Variants in EPHA6 observed in about 807,000 individuals in gnomAD.
EPHA6 encodes the protein EPH receptor A6.
Under a neutral mutation model 112.0 loss-of-function variants are expected in EPHA6, and 50 were observed. The observed-to-expected ratio is 0.45, with a 90% CI of 0.36 to 0.56. The LOEUF (loss-of-function observed/expected upper bound fraction) is 0.56, where lower values mean the gene tolerates loss of function less well. EPHA6 is among the 20% of genes least tolerant of loss of function. EPHA6 has a pLI of 0.00. For synonymous variants in EPHA6, 529 were observed against 490.7 expected (o/e 1.08, Z -1.03); for missense variants, 1,280 against 1,417.4 (o/e 0.90, Z 1.56).
intron 2 of EPHA6, among the ~76,000 whole-genome samples, chr3:96,955,595 A>G (rs1305309458): frequency 1.3e-5 from 2 of 152,204 alleles, no homozygotes; most frequent in African/African-American, 2.4e-5. Flanking sequence ...GGCAAAAAAT[A>G]TGTTATAAAA....
intron 3 of EPHA6, among the ~76,000 whole-genome samples, chr3:97,158,218 G>A (rs2076333956): frequency 6.6e-6 from 1 of 152,100 alleles, no homozygotes; most frequent in African/African-American, 2.4e-5. Context: ...AGGGAGTAGG[G>A]GAGGGAAGAA....
rs145014252 is a variant in EPHA6, at chr3:96,933,368, A to G, written c.451-53962A>G. On this transcript the variant is annotated intron_variant, in intron 2 of 17. Transcript: ENST00000389672. ...TTAATTATTGTATTTCCAAGTTTCT[A>G]AAATTGCAGGTTTTTGTTACTTACC... Among the ~76,000 whole-genome samples, 984 of 152,326 alleles carry G rather than the reference A, an allele frequency of 6.5e-3. 7 individuals are homozygous for G. Among genetic ancestry groups the G allele is most frequent in the African/African-American group, 0.021 (889 of 41,570 alleles).
chr3:97,688,399 A>T (rs2032409313), intron 14 of EPHA6, among the ~76,000 whole-genome samples: 1 of 152,086 alleles, frequency 6.6e-6, no homozygotes, highest in South Asian at 2.1e-4. Context: ...ACTTTTGTTA[A>T]AAGTAACATG....
At chr3:97,070,489 C>T (rs772649488) in intron 3 of EPHA6, among the ~76,000 whole-genome samples, 2 of 152,052 alleles carry the variant, frequency 1.3e-5, no homozygotes, top group Non-Finnish European at 2.9e-5. Context: ...AGTAACTCAG[C>T]CTTGACATCT....
At chr3:96,846,209 G>A (rs1193194606) in intron 1 of EPHA6, among the ~76,000 whole-genome samples, 3 of 152,018 alleles carry the variant, frequency 2.0e-5, no homozygotes, top group Admixed American at 1.3e-4. Context: ...TTGATTGTGA[G>A]TAGCCAGGAA....
intron 5 of EPHA6, among the ~76,000 whole-genome samples, chr3:97,333,063 A>G (rs1486107806): frequency 6.6e-6 from 1 of 152,090 alleles, no homozygotes; most frequent in Admixed American, 6.6e-5. Context: ...TAACATATTT[A>G]CCATGTTGAG....
At chr3:97,486,727 T>C (rs2091708509) in intron 10 of EPHA6, among the ~76,000 whole-genome samples, 1 of 152,212 alleles carries the variant, frequency 6.6e-6, no homozygotes, top group Non-Finnish European at 1.5e-5. Flanking sequence ...GTGTGTGCAC[T>C]TGAGGGGACA....
intron 3 of EPHA6, among the ~76,000 whole-genome samples, chr3:97,164,702 G>A (rs2076498744): frequency 6.6e-6 from 1 of 152,016 alleles, no homozygotes; most frequent in Admixed American, 6.6e-5. Flanking sequence ...GTGGGCAAAT[G>A]ATATTTTGGG....
intron 6 of EPHA6, among the ~76,000 whole-genome samples, chr3:97,419,636 C>T (rs1209496164): frequency 6.6e-6 from 1 of 151,916 alleles, no homozygotes; most frequent in African/African-American, 2.4e-5. Context: ...CACACACACA[C>T]ACACACAAGA....
intron 2 of EPHA6, among the ~76,000 whole-genome samples, chr3:96,944,645 T>G (rs566592764): frequency 6.6e-6 from 1 of 152,284 alleles, no homozygotes; most frequent in Admixed American, 6.5e-5. Flanking sequence ...GATCAAGAGA[T>G]ATGCAGTTTT....
chr3:97,607,395 T>G (rs891482075), intron 12 of EPHA6, among the ~76,000 whole-genome samples: 6 of 151,088 alleles, frequency 4.0e-5, no homozygotes, highest in Non-Finnish European at 7.4e-5. Flanking sequence ...AATATTCCCT[T>G]AAAGTCTTAA....
chr3:97,561,050 C>A (rs2093182763), intron 11 of EPHA6, among the ~76,000 whole-genome samples: 1 of 151,864 alleles, frequency 6.6e-6, no homozygotes. Flanking sequence ...CTTAATTGAT[C>A]AATGTTGTGT....
chr3:97,282,937 C>T (rs2080337699), intron 5 of EPHA6, among the ~76,000 whole-genome samples: 1 of 152,058 alleles, frequency 6.6e-6, no homozygotes, highest in Non-Finnish European at 1.5e-5. Context: ...CCATGACACA[C>T]ATTTACCTGT....
chr3:97,149,673 T>C (rs2108371985), intron 3 of EPHA6, among the ~76,000 whole-genome samples: 1 of 151,968 alleles, frequency 6.6e-6, no homozygotes, highest in African/African-American at 2.4e-5. Flanking sequence ...AAAACATGAA[T>C]TCTATATGTT....
intron 5 of EPHA6, among the ~76,000 whole-genome samples, chr3:97,324,993 A>G (rs563905743): frequency 6.6e-6 from 1 of 152,232 alleles, no homozygotes; most frequent in South Asian, 2.1e-4. Flanking sequence ...CTAAAGAGCC[A>G]TCCCATTCTG....
intron 11 of EPHA6, among the ~76,000 whole-genome samples, chr3:97,546,193 T>C (rs1255338730): frequency 6.6e-6 from 1 of 152,246 alleles, no homozygotes; most frequent in Non-Finnish European, 1.5e-5. Flanking sequence ...GTTTTTGCAT[T>C]GGCTGGTACT....
rs772046710 is a variant in EPHA6, at chr3:97,749,532, A to T, written c.*831A>T. Among the ~76,000 whole-genome samples, 1 of 152,106 alleles carries T rather than the reference A, an allele frequency of 6.6e-6. No individual in the cohort carries two copies. Among genetic ancestry groups the T allele is most frequent in the Non-Finnish European group, 1.5e-5 (1 of 68,018 alleles). On this transcript the variant is annotated 3_prime_UTR_variant, in exon 18 of 18. Coordinates refer to ENST00000389672, the MANE Select transcript of EPHA6 (RefSeq NM_001080448.3). ...AGACCAAGGGTGACTTCATTGATCT[A>T]ATGGCTTTCATAGAGAAAAGCTTGG...
intron 5 of EPHA6, among the ~76,000 whole-genome samples, chr3:97,300,425 C>G (rs1046821799): frequency 2.6e-5 from 4 of 152,128 alleles, no homozygotes; most frequent in African/African-American, 9.7e-5. Flanking sequence ...AGACAGTGCT[C>G]ATACCCCACC....
At chr3:96,886,271 G>A (rs1181951417) in intron 2 of EPHA6, among the ~76,000 whole-genome samples, 1 of 152,178 alleles carries the variant, frequency 6.6e-6, no homozygotes, top group Admixed American at 6.5e-5. Context: ...TGTCAGTGGA[G>A]TATTGAAGTC....
Sources: allele counts gnomAD v4.1 joint callset (sites outside exome capture counted in the v4.1 genomes callset), GRCh38; gene constraint gnomAD v4.1.1; transcripts MANE v1.5; gene names NCBI Gene and HGNC (gene_info 2026-07-23, HGNC 2026-07-21).